TCF12: variants seen among roughly 807,000 people sequenced by gnomAD.
The protein encoded by TCF12 is transcription factor 12, also known as DNA-binding protein HTF4.
A neutral mutation model predicts 86.0 loss-of-function variants in TCF12; 45 were observed. That is an observed-to-expected ratio of 0.52 (90% confidence interval 0.41 to 0.67). The LOEUF (loss-of-function observed/expected upper bound fraction) is 0.67, where lower values mean the gene tolerates loss of function less well. Among genes scored for constraint, TCF12 ranks in the 30% least tolerant of loss-of-function variants. The pLI is 0.00. For synonymous variants in TCF12, 330 were observed against 299.6 expected (o/e 1.10, Z -1.05); for missense variants, 881 against 859.9 (o/e 1.02, Z -0.31).
At chr15:57,030,518 C>T (rs2066102772) in intron 3 of TCF12, among the ~76,000 whole-genome samples, 1 of 152,126 alleles carries the variant, frequency 6.6e-6, no homozygotes, top group Admixed American at 6.5e-5. Flanking sequence ...AGGAAAGAGC[C>T]ACTGTACCTG....
chr15:57,035,899 C>A (rs1381851079), intron 3 of TCF12, among the ~76,000 whole-genome samples: 2 of 152,122 alleles, frequency 1.3e-5, no homozygotes. Flanking sequence ...GCTCCACCTC[C>A]CAGATCAGCA....
intron 6 of TCF12, among the ~76,000 whole-genome samples, chr15:57,168,363 T>G (rs990128472): frequency 4.6e-5 from 7 of 152,202 alleles, no homozygotes; most frequent in Non-Finnish European, 1.0e-4. Context: ...AAAGCAGCAA[T>G]TGAACATCTA....
chr15:57,031,715 G>T (rs1056322258), intron 3 of TCF12, among the ~76,000 whole-genome samples: 1 of 152,208 alleles, frequency 6.6e-6, no homozygotes, highest in South Asian at 2.1e-4. Context: ...AAACCTAGAA[G>T]TGAACACTGC....
chr15:57,267,048 T>A (rs2060904038), intron 18 of TCF12, among the ~76,000 whole-genome samples: 1 of 152,234 alleles, frequency 6.6e-6, no homozygotes, highest in Admixed American at 6.5e-5. Flanking sequence ...TTTTTTCTAA[T>A]GAAAATTTAA....
rs764161535 is a variant in TCF12, at chr15:57,233,136, GTATATATA to G, written c.970+282_970+289del. ...TATGTTTGTGTATATATGTATATAT[GTATATATA>G]TGTGTATATATGTGTGTGTATATAT... On this transcript the variant is annotated intron_variant, in intron 11 of 20. Coordinates refer to ENST00000333725, the MANE Select transcript of TCF12 (RefSeq NM_207037.2). 1.2e-3 allele frequency among the ~76,000 whole-genome samples: 180 copies of G among 149,378 alleles called. 1 individual carries two copies. Among genetic ancestry groups the G allele is most frequent in the African/African-American group, 4.2e-3 (171 of 40,386 alleles).
intron 5 of TCF12, among the ~76,000 whole-genome samples, chr15:57,105,286 A>G (rs1356415363): frequency 6.6e-6 from 1 of 152,188 alleles, no homozygotes. Context: ...TTGTATCGCC[A>G]TCTCTTAATG....
chr15:56,981,709 G>C (rs1032036001), intron 3 of TCF12, among the ~76,000 whole-genome samples: 7 of 152,152 alleles, frequency 4.6e-5, no homozygotes, highest in Non-Finnish European at 1.0e-4. Flanking sequence ...TTGTTGACCA[G>C]AAGTCTTACT....
At chr15:57,036,722 C>A (rs2066525703) in intron 3 of TCF12, among the ~76,000 whole-genome samples, 1 of 151,980 alleles carries the variant, frequency 6.6e-6, no homozygotes, top group Admixed American at 6.5e-5. Context: ...AGTTATATTT[C>A]TTTATAAAAT....
chr15:56,977,298 C>T (rs867091561), intron 3 of TCF12, among the ~76,000 whole-genome samples: 2 of 151,798 alleles, frequency 1.3e-5, no homozygotes, highest in South Asian at 2.1e-4. Flanking sequence ...TTTGGGAGGC[C>T]GAGGTGGGCG....
intron 5 of TCF12, among the ~76,000 whole-genome samples, chr15:57,120,622 A>T (rs1337769923): frequency 6.6e-6 from 1 of 152,182 alleles, no homozygotes; most frequent in Non-Finnish European, 1.5e-5. Context: ...TATTTATATT[A>T]TATGGACAAT....
intron 3 of TCF12, among the ~76,000 whole-genome samples, chr15:57,054,385 C>CA (rs1567328477): frequency 1.3e-5 from 2 of 152,062 alleles, no homozygotes; most frequent in Non-Finnish European, 2.9e-5. Context: ...ACCATAAAAA[C>CA]AAAAAACCTT....
intron 5 of TCF12, among the ~76,000 whole-genome samples, chr15:57,107,989 T>C (rs1255875490): frequency 6.6e-6 from 1 of 152,198 alleles, no homozygotes; most frequent in Non-Finnish European, 1.5e-5. Context: ...TAAACTTTTA[T>C]TTTTAGGAAA....
chr15:56,965,693 A>G (rs1287970533), intron 3 of TCF12, among the ~76,000 whole-genome samples: 9 of 152,190 alleles, frequency 5.9e-5, no homozygotes, highest in African/African-American at 1.7e-4. Flanking sequence ...GGAAATGTCT[A>G]GGGCTTAGAG....
intron 3 of TCF12, among the ~76,000 whole-genome samples, chr15:57,010,958 C>T (rs1398012072): frequency 6.6e-6 from 1 of 152,010 alleles, no homozygotes; most frequent in Admixed American, 6.5e-5. Context: ...AAAATTTTTA[C>T]GAGTTGGAAA....
At chr15:57,087,061 G>C (rs972862971) in intron 4 of TCF12, among the ~76,000 whole-genome samples, 9 of 142,792 alleles carry the variant, frequency 6.3e-5, no homozygotes, top group Admixed American at 2.2e-4. Context: ...GTCTCCCTCT[G>C]TCTCCCTCTC....
At chr15:57,037,113 T>A (rs558587664) in intron 3 of TCF12, among the ~76,000 whole-genome samples, 1 of 152,182 alleles carries the variant, frequency 6.6e-6, no homozygotes, top group Admixed American at 6.5e-5. Context: ...GGTAAGAAAA[T>A]TAAGGTGGTT....
Position 56,919,940 on chromosome 15 carries a change from C to A in TCF12, c.27C>A (p.Ala9=), listed in dbSNP as rs1194278780. The change falls in exon 2 of 21, where the codon GCC becomes GCA. Residue 9 remains alanine (A), a synonymous_variant. Transcript: ENST00000333725. ...TGAATCCCCAGCAACAACGCATGGC[C>A]GCTATAGGGACCGACAAGGAGCTGA... MNPQQQRM[A]AIGTDKELSD... 19 of 1,614,050 alleles carry A rather than the reference C, an allele frequency of 1.2e-5. No individual in the cohort carries two copies. Among genetic ancestry groups the A allele is most frequent in the South Asian group, 2.2e-5 (2 of 91,070 alleles).
chr15:57,031,619 A>G (rs2066196113), intron 3 of TCF12, among the ~76,000 whole-genome samples: 1 of 152,180 alleles, frequency 6.6e-6, no homozygotes, highest in Non-Finnish European at 1.5e-5. Context: ...GACAGAATAC[A>G]TGGTCACCAG....
At chr15:57,156,863 G>A (rs1325330481) in intron 5 of TCF12, among the ~76,000 whole-genome samples, 1 of 152,184 alleles carries the variant, frequency 6.6e-6, no homozygotes, top group Non-Finnish European at 1.5e-5. Context: ...TGAGCCTAAT[G>A]TTCTGCTTAT....
Sources: gnomAD v4.1 joint callset for allele counts (sites outside exome capture counted in the v4.1 genomes callset) on GRCh38, gnomAD v4.1.1 for gene constraint, MANE v1.5 for transcripts, NCBI Gene and HGNC (gene_info 2026-07-23, HGNC 2026-07-21) for gene names.